SLC22A23: variants seen among roughly 807,000 people sequenced by gnomAD.
The protein encoded by SLC22A23 is ion transporter protein.
In SLC22A23, 26 loss-of-function variants were observed where a neutral mutation model predicts 61.0. That is an observed-to-expected ratio of 0.43 (90% CI 0.31 to 0.59). The LOEUF (loss-of-function observed/expected upper bound fraction) is 0.59, where lower values mean the gene tolerates loss of function less well. Among genes scored for constraint, SLC22A23 ranks in the 20% least tolerant of loss-of-function variants. The pLI, the probability that SLC22A23 is intolerant of heterozygous loss-of-function variation, is 0.11. For synonymous variants in SLC22A23, 430 were observed against 413.9 expected, an observed-to-expected ratio of 1.04 and a Z score of -0.47; for missense variants, 796 against 934.7, an observed-to-expected ratio of 0.85 and a Z score of 1.94.
At chr6:3,400,821 C>G (rs1378006709) in intron 3 of SLC22A23, among the ~76,000 whole-genome samples, 1 of 152,218 alleles carries the variant, frequency 6.6e-6, no homozygotes, top group Non-Finnish European at 1.5e-5. Flanking sequence ...AACATCAGAA[C>G]AAAACTGCAT....
At chr6:3,392,042 T>A (rs1055497493) in intron 3 of SLC22A23, among the ~76,000 whole-genome samples, 1 of 152,026 alleles carries the variant, frequency 6.6e-6, no homozygotes, top group East Asian at 1.9e-4. Flanking sequence ...TTAGAGCGTG[T>A]GGCAAAGACC....
At chr6:3,455,471 T>C (rs74952111) in intron 1 of SLC22A23, among the ~76,000 whole-genome samples, 65 of 152,350 alleles carry the variant, frequency 4.3e-4, no homozygotes, top group African/African-American at 1.6e-3. Context: ...AGTTCTTTAG[T>C]AGGCTTTACC....
chr6:3,409,348 C>A (rs1475359186), intron 3 of SLC22A23, among the ~76,000 whole-genome samples: 2 of 152,132 alleles, frequency 1.3e-5, no homozygotes, highest in Non-Finnish European at 2.9e-5. Context: ...TTTTAGCTAT[C>A]TAAAAGAAGT....
chr6:3,366,633 G>A lies in SLC22A23; in HGVS notation c.914-42631C>T, dbSNP rs75291611. On this transcript the variant is annotated intron_variant, in intron 3 of 9. Coordinates refer to ENST00000406686, the MANE Select transcript of SLC22A23 (RefSeq NM_015482.2). ...ATTGCTATTCAAGCTATCTCATGTGGACAATACTTCTATGCGATCTATGTA... is the reference window on the plus strand; with the variant it reads ...ATTGCTATTCAAGCTATCTCATGTGAACAATACTTCTATGCGATCTATGTA... Among the ~76,000 whole-genome samples the A allele has an allele frequency of 7.4e-3, 1,129 of 152,174 alleles. 17 individuals carry two copies. The highest frequency in any genetic ancestry group is 0.02 in the African/African-American group (846 of 41,512).
intron 1 of SLC22A23, among the ~76,000 whole-genome samples, chr6:3,450,548 G>A (rs9378367): frequency 0.26 from 39,925 of 152,080 alleles, 5,435 homozygotes; most frequent in African/African-American, 0.31. Context: ...CTCGTGATCC[G>A]CCCGCCTCGG....
At chr6:3,300,077 C>T (rs1309727686) in intron 4 of SLC22A23, among the ~76,000 whole-genome samples, 1 of 125,012 alleles carries the variant, frequency 8.0e-6, no homozygotes, top group Non-Finnish European at 1.6e-5. Context: ...GTGGTGTGAT[C>T]TCAGCTCACT....
intron 9 of SLC22A23, among the ~76,000 whole-genome samples, chr6:3,279,557 G>A (rs1375987640): frequency 7.9e-6 from 1 of 126,406 alleles, no homozygotes; most frequent in African/African-American, 2.7e-5. Flanking sequence ...CATTCAGTAC[G>A]ATTAGGAAAA....
rs763094340 is a variant in SLC22A23 at position 3,286,952 on chromosome 6, C to T, written c.1453G>A (p.Val485Met). 236 of 1,613,990 alleles carry T rather than the reference C, an allele frequency of 1.5e-4. No individual in the cohort carries two copies. Among genetic ancestry groups the T allele is most frequent in the Non-Finnish European group, 1.8e-4 (215 of 1,180,044 alleles). Residue 485 changes from valine (V) to methionine (M), a missense_variant, in exon 7 of 10, where the codon GTG becomes ATG. Transcript: ENST00000406686. The surrounding 1 kb of genome is among the most constrained non-coding windows in gnomAD (Gnocchi z 4.2). Reference sequence around the variant, plus strand: ...CTGCGCCCGAGGAATCGGACCACCACGCACATGGCCAGGCAGGACACCAGC... The same window carrying T: ...CTGCGCCCGAGGAATCGGACCACCATGCACATGGCCAGGCAGGACACCAGC... ...IALVSCLAMC[V>M]VVRFLGRRGG...
Position 3,269,448 on chromosome 6 carries a change from C to G in SLC22A23, c.*3607G>C, listed in dbSNP as rs1758335211. The G allele has an allele frequency of 6.6e-6, 1 of 152,652 alleles. No individual in the cohort carries two copies. The highest frequency in any genetic ancestry group is 2.1e-4 in the South Asian group (1 of 4,836). The allele number at this position is 152,652 out of a possible 1,614,324, so 9.5% of individuals were successfully genotyped here. A position where few individuals can be genotyped will look rare whatever the true frequency, so the allele number is the denominator to read the frequency against. Reference sequence around the variant, plus strand: ...CATCAGGTGAGGTAGGGAAGACATTCCAGAGGAAATCTGTTAATGGGGCAA... The same window carrying G: ...CATCAGGTGAGGTAGGGAAGACATTGCAGAGGAAATCTGTTAATGGGGCAA... On this transcript the variant is annotated 3_prime_UTR_variant, in exon 10 of 10. Transcript: ENST00000406686.
chr6:3,415,350 G>C (rs1348897865), intron 2 of SLC22A23, among the ~76,000 whole-genome samples: 1 of 152,136 alleles, frequency 6.6e-6, no homozygotes, highest in African/African-American at 2.4e-5. Context: ...GACTCATTCA[G>C]CTCGCATGGG....
intron 3 of SLC22A23, among the ~76,000 whole-genome samples, chr6:3,325,628 C>A (rs1402779492): frequency 2.0e-5 from 3 of 152,172 alleles, no homozygotes; most frequent in Non-Finnish European, 4.4e-5. Context: ...AGATCACTAC[C>A]TAGCAGGGTC....
chr6:3,286,457 C>T lies in SLC22A23; in HGVS notation c.1546+402G>A, dbSNP rs915352059. ...TGGTCCAAAGAGAAGCTGATGAACT[C>T]GGGAACATCTGCTGAAAAGCAGGGC... On this transcript the variant is annotated intron_variant, in intron 7 of 9. Coordinates refer to ENST00000406686, the MANE Select transcript of SLC22A23 (RefSeq NM_015482.2). This position sits in a 1 kb window ranked among gnomAD's most constrained non-coding sequence, Gnocchi z 4.2. Among the ~76,000 whole-genome samples, 2 of 152,214 alleles carry T rather than the reference C, an allele frequency of 1.3e-5. No individual in the cohort carries two copies. Among genetic ancestry groups the T allele is most frequent in the African/African-American group, 4.8e-5 (2 of 41,464 alleles).
intron 3 of SLC22A23, among the ~76,000 whole-genome samples, chr6:3,347,229 C>T (rs1764492381): frequency 6.6e-6 from 1 of 152,154 alleles, no homozygotes; most frequent in Non-Finnish European, 1.5e-5. Context: ...TCAGCAGCTT[C>T]CTATTTTGTA....
At chr6:3,351,943 C>T (rs1764793914) in intron 3 of SLC22A23, among the ~76,000 whole-genome samples, 1 of 152,184 alleles carries the variant, frequency 6.6e-6, no homozygotes, top group Non-Finnish European at 1.5e-5. Flanking sequence ...CCATCTAGGC[C>T]ACACCAAACA....
chr6:3,360,599 A>C lies in SLC22A23; in HGVS notation c.914-36597T>G, dbSNP rs529174521. Among the ~76,000 whole-genome samples, 1 of 152,342 alleles carries C rather than the reference A, an allele frequency of 6.6e-6. No individual in the cohort carries two copies. The highest frequency in any genetic ancestry group is 2.4e-5 in the African/African-American group (1 of 41,572). Reference sequence around the variant, plus strand: ...TGCACACATCCGAGTCAACCTCAACAGTCTTAGTCCACACATCTCTGTATT... The same window carrying C: ...TGCACACATCCGAGTCAACCTCAACCGTCTTAGTCCACACATCTCTGTATT... On this transcript the variant is annotated intron_variant, in intron 3 of 9. Transcript: ENST00000406686. The surrounding 1 kb of genome is among the most constrained non-coding windows in gnomAD (Gnocchi z 4.6).
rs772296020 is a variant in SLC22A23 at position 3,285,064 on chromosome 6, G to A, written c.1579+15C>T. 4.3e-6 allele frequency: 7 copies of A among 1,612,600 alleles called. No individual in the cohort carries two copies. Among genetic ancestry groups the A allele is most frequent in the South Asian group, 3.3e-5 (3 of 90,742 alleles). ...TATGAGACGAGGAAGCACAGCCCAC[G>A]CGCTTGGGACTCACCTGAGTCTGGG... On this transcript the variant is annotated intron_variant, in intron 8 of 9. Transcript: ENST00000406686.
chr6:3,405,809 G>C (rs1768786760), intron 3 of SLC22A23, among the ~76,000 whole-genome samples: 1 of 152,058 alleles, frequency 6.6e-6, no homozygotes, highest in African/African-American at 2.4e-5. Flanking sequence ...ATGTGAAAAA[G>C]GGATCAGCAC....
intron 3 of SLC22A23, among the ~76,000 whole-genome samples, chr6:3,358,559 C>T (rs532585739): frequency 6.6e-5 from 10 of 151,890 alleles, no homozygotes; most frequent in African/African-American, 1.4e-4. Flanking sequence ...TGATGGTTGC[C>T]GGGGGTAGAG....
chr6:3,391,488 A>G (rs772895167), intron 3 of SLC22A23, among the ~76,000 whole-genome samples: 2 of 152,242 alleles, frequency 1.3e-5, no homozygotes, highest in African/African-American at 2.4e-5. Flanking sequence ...CTATTCTGCA[A>G]TACTGCGGCA....
Sources: gnomAD v4.1 joint callset for allele counts (sites outside exome capture counted in the v4.1 genomes callset) on GRCh38, gnomAD v4.1.1 for gene constraint, Gnocchi (gnomAD v3.1) non-coding constraint, MANE v1.5 for transcripts, NCBI Gene and HGNC (gene_info 2026-07-23, HGNC 2026-07-21) for gene names.